BRINP3: variants seen among roughly 807,000 people sequenced by gnomAD.
The protein encoded by BRINP3 is BMP/retinoic acid inducible neural specific 3, also known as BMP/retinoic acid-inducible neural-specific protein 3.
BRINP3 carries 19 observed loss-of-function variants against 71.0 expected under a neutral mutation model. The observed-to-expected ratio is 0.27, with a 90% CI of 0.19 to 0.39. The LOEUF is 0.39. Ranked by LOEUF, BRINP3 falls within the 10% of genes least tolerant of loss-of-function variation. The pLI, the probability that BRINP3 is intolerant of heterozygous loss-of-function variation, is 1.00. For missense variants in BRINP3, 959 were observed against 940.8 expected (o/e 1.02, Z -0.25); for synonymous variants, 380 against 337.7 (o/e 1.13, Z -1.37).
At chr1:190,180,480 AG>A (rs1652930192) in intron 6 of BRINP3, among the ~76,000 whole-genome samples, 1 of 152,116 alleles carries the variant, frequency 6.6e-6, no homozygotes, top group Non-Finnish European at 1.5e-5. Flanking sequence ...TTCCCAATAT[AG>A]GGAAAAAATG....
intron 2 of BRINP3, among the ~76,000 whole-genome samples, chr1:190,344,199 AT>A (rs1235704468): frequency 1.3e-5 from 2 of 151,784 alleles, no homozygotes; most frequent in Non-Finnish European, 3.0e-5. Flanking sequence ...TAGTAACTAA[AT>A]TTTTTGAGAC....
chr1:190,321,543 AT>A (rs1666246234), intron 2 of BRINP3, among the ~76,000 whole-genome samples: 2 of 152,138 alleles, frequency 1.3e-5, no homozygotes, highest in Non-Finnish European at 2.9e-5. Context: ...TAAATGTTTT[AT>A]TAAGTAATAA....
chr1:190,307,158 A>T (rs1665161495), intron 2 of BRINP3, among the ~76,000 whole-genome samples: 1 of 151,624 alleles, frequency 6.6e-6, no homozygotes, highest in Non-Finnish European at 1.5e-5. Context: ...AAGAGTAATA[A>T]TTAGGAATGA....
At chr1:190,399,225 C>G (rs748106690) in intron 2 of BRINP3, among the ~76,000 whole-genome samples, 27 of 151,978 alleles carry the variant, frequency 1.8e-4, no homozygotes, top group Non-Finnish European at 3.1e-4. Context: ...AACACACCCT[C>G]AAATGAAAAA....
chr1:190,230,377 C>A (rs925341454), intron 5 of BRINP3, among the ~76,000 whole-genome samples: 1 of 151,936 alleles, frequency 6.6e-6, no homozygotes, highest in African/African-American at 2.4e-5. Context: ...GGTCAATGTT[C>A]TTCAATGCTA....
chr1:190,099,634 G>A (rs1651520234), intron 7 of BRINP3, among the ~76,000 whole-genome samples: 1 of 152,124 alleles, frequency 6.6e-6, no homozygotes, highest in South Asian at 2.1e-4. Flanking sequence ...TGAATAGAAA[G>A]TAAAAGAAAA....
chr1:190,351,382 T>A (rs564187284), intron 2 of BRINP3, among the ~76,000 whole-genome samples: 1 of 152,082 alleles, frequency 6.6e-6, no homozygotes, highest in Non-Finnish European at 1.5e-5. Flanking sequence ...TACTTGTAAT[T>A]TTTTCAATAG....
rs1230767458 is a variant in BRINP3 at position 190,389,104 on chromosome 1, C to G, written c.236+65551G>C. 2.0e-5 allele frequency among the ~76,000 whole-genome samples: 3 copies of G among 151,672 alleles called. No individual in the cohort carries two copies. In the East Asian group the frequency reaches 5.8e-4, roughly 29 times the overall value. ...CAGAGAAAAGCATTATTTACCAGGA[C>G]AAATTTTATTTAGCAAAAAATAAAG... On this transcript the variant is annotated intron_variant, in intron 2 of 7. Transcript: ENST00000367462.
At chr1:190,440,846 C>T (rs1674768811) in intron 2 of BRINP3, among the ~76,000 whole-genome samples, 1 of 151,812 alleles carries the variant, frequency 6.6e-6, no homozygotes, top group African/African-American at 2.4e-5. Context: ...ACAACAAAGT[C>T]ACAACCTAAG....
At chr1:190,115,236 T>A (rs1653032892) in intron 7 of BRINP3, among the ~76,000 whole-genome samples, 1 of 152,140 alleles carries the variant, frequency 6.6e-6, no homozygotes, top group Non-Finnish European at 1.5e-5. Context: ...TCTGTTTAAT[T>A]TGCCTATATT....
At chr1:190,444,165 G>A (rs1397858515) in intron 2 of BRINP3, among the ~76,000 whole-genome samples, 1 of 149,352 alleles carries the variant, frequency 6.7e-6, no homozygotes, top group Admixed American at 6.8e-5. Flanking sequence ...CCCAGGAGGT[G>A]GAGGAGGTTG....
intron 7 of BRINP3, among the ~76,000 whole-genome samples, chr1:190,131,927 G>A (rs1411158777): frequency 6.6e-6 from 1 of 152,048 alleles, no homozygotes. Context: ...ACAACATAGG[G>A]CTGTTAGGAT....
intron 2 of BRINP3, among the ~76,000 whole-genome samples, chr1:190,419,690 TACACACACAC>T (rs5779528): frequency 1.3e-5 from 2 of 148,356 alleles, no homozygotes; most frequent in African/African-American, 5.0e-5. Flanking sequence ...TATACATTTA[TACACACACAC>T]ACACACACAC....
chr1:190,326,694 G>C (rs1490979055), intron 2 of BRINP3, among the ~76,000 whole-genome samples: 2 of 152,102 alleles, frequency 1.3e-5, no homozygotes, highest in Non-Finnish European at 2.9e-5. Context: ...TTCATATCCT[G>C]TCAAACTAAG....
chr1:190,460,634 C>T (rs1265255885), intron 1 of BRINP3, among the ~76,000 whole-genome samples: 2 of 152,080 alleles, frequency 1.3e-5, no homozygotes, highest in Admixed American at 6.6e-5. Context: ...GTGCTTCTAG[C>T]CTCAGGAACT....
chr1:190,383,568 T>G (rs1670687080), intron 2 of BRINP3, among the ~76,000 whole-genome samples: 1 of 152,074 alleles, frequency 6.6e-6, no homozygotes, highest in Non-Finnish European at 1.5e-5. Flanking sequence ...TATCATTTTG[T>G]GCTAATATGC....
intron 2 of BRINP3, among the ~76,000 whole-genome samples, chr1:190,429,012 G>A (rs1673910434): frequency 6.6e-6 from 1 of 152,060 alleles, no homozygotes; most frequent in Admixed American, 6.6e-5. Flanking sequence ...GGAGGAAAAT[G>A]TTGAATACTT....
At chr1:190,453,563 C>T (rs1213112410) in intron 2 of BRINP3, among the ~76,000 whole-genome samples, 4 of 152,098 alleles carry the variant, frequency 2.6e-5, no homozygotes, top group African/African-American at 9.6e-5. Context: ...TTTCATTAGG[C>T]TTATGACAGT....
chr1:190,388,291 T>C (rs566936149), intron 2 of BRINP3, among the ~76,000 whole-genome samples: 1 of 151,964 alleles, frequency 6.6e-6, no homozygotes, highest in African/African-American at 2.4e-5. Flanking sequence ...TAATCAATAA[T>C]ATTTTTGAGC....
Sources: allele counts gnomAD v4.1 joint callset (sites outside exome capture counted in the v4.1 genomes callset), GRCh38; gene constraint gnomAD v4.1.1; transcripts MANE v1.5; gene names NCBI Gene and HGNC (gene_info 2026-07-23, HGNC 2026-07-21).